RFC2: variants seen among roughly 807,000 people sequenced by gnomAD.
RFC2 encodes replication factor C subunit 2, also known as A1 40 kDa subunit.
A neutral mutation model predicts 44.8 loss-of-function variants in RFC2; 34 were observed. That is an observed-to-expected ratio of 0.76 (90% CI 0.58 to 1.01). The LOEUF (loss-of-function observed/expected upper bound fraction) is 1.01, where lower values mean the gene tolerates loss of function less well. Among genes scored for constraint, RFC2 ranks in the 50% least tolerant of loss-of-function variants. The pLI, the probability that RFC2 is intolerant of heterozygous loss-of-function variation, is 0.00. For missense variants in RFC2, 400 were observed against 453.6 expected, an observed-to-expected ratio of 0.88 and a Z score of 1.07; for synonymous variants, 177 against 168.9, an observed-to-expected ratio of 1.05 and a Z score of -0.37.
At chr7:74,252,727 G>C (rs1030578468) in intron 1 of RFC2, among the ~76,000 whole-genome samples, 18 of 152,088 alleles carry the variant, frequency 1.2e-4, no homozygotes, top group Non-Finnish European at 4.4e-5. Context: ...TTGAGGTCAG[G>C]AGTTTGAGCC....
rs369462723 is a variant in RFC2 at position 74,252,444 on chromosome 7, G to A, written c.168C>T (p.Thr56=). Residue 56 remains threonine (T), a synonymous_variant, in exon 2 of 11, where the codon ACC becomes ACT. Transcript: ENST00000055077. ...AGCCACTCACCTCTAGCCTGCTCAC[G>A]GTGTCTTCATTCCCGACAATTTCAT... ...KLNEIVGNED[T]VSRLEVFARE... is the part of the protein sequence containing the mutation. 81 of 1,599,420 alleles carry A rather than the reference G, an allele frequency of 5.1e-5. No individual in the cohort carries two copies. Among genetic ancestry groups the A allele is most frequent in the East Asian group, 6.7e-5 (3 of 44,730 alleles).
intron 5 of RFC2, among the ~76,000 whole-genome samples, chr7:74,244,224 T>C (rs2116311284): frequency 1.3e-5 from 2 of 151,100 alleles, no homozygotes; most frequent in African/African-American, 4.9e-5. Flanking sequence ...GCCAAGATCA[T>C]GCCACTGCAC....
chr7:74,236,283 T>C (rs1803009365), intron 9 of RFC2, among the ~76,000 whole-genome samples: 1 of 152,004 alleles, frequency 6.6e-6, no homozygotes. Context: ...AGAAGCTCTG[T>C]GCCCACAAAT....
chr7:74,241,083 A>T (rs1315290431), intron 6 of RFC2, among the ~76,000 whole-genome samples: 2 of 152,034 alleles, frequency 1.3e-5, no homozygotes, highest in Non-Finnish European at 2.9e-5. Context: ...GGCGCACGCT[A>T]TCACACCCGG....
intron 9 of RFC2, 44 bp from the exon 10 acceptor site, chr7:74,235,689 TAAG>T: frequency 7.6e-7 from 1 of 1,314,888 alleles, no homozygotes. Context: ...CTTTAAACTG[TAAG>T]AAGACATGTG....
intron 2 of RFC2, among the ~76,000 whole-genome samples, chr7:74,251,896 G>A (rs1314417821): frequency 1.4e-4 from 20 of 145,998 alleles, no homozygotes; most frequent in African/African-American, 4.9e-4. Context: ...AGGAGATCGA[G>A]ACCATCCTGG....
chr7:74,241,039 T>G (rs1447817346), intron 6 of RFC2, among the ~76,000 whole-genome samples: 1 of 152,142 alleles, frequency 6.6e-6, no homozygotes, highest in Non-Finnish European at 1.5e-5. Context: ...CAAGTGATTC[T>G]CCTGTCTCAG....
rs1221199718 is a variant in RFC2, at chr7:74,238,532, G to GAACAGC, written c.759+385_759+390dup. Among the ~76,000 whole-genome samples, 2 of 151,970 alleles carry GAACAGC rather than the reference G, an allele frequency of 1.3e-5. No individual in the cohort carries two copies. The highest frequency in any genetic ancestry group is 2.9e-5 in the Non-Finnish European group (2 of 67,968). On this transcript the variant is annotated intron_variant, in intron 8 of 10. Transcript: ENST00000055077. This position sits in a 1 kb window ranked among gnomAD's most constrained non-coding sequence, Gnocchi z 4.0. Reference sequence around the variant, plus strand: ...GGTGTGGGGTCTGAAGGCTACTGGGGAACAGCACAGTGCTCCTGCCTGCCC... The same window carrying GAACAGC: ...GGTGTGGGGTCTGAAGGCTACTGGGGAACAGCAACAGCACAGTGCTCCTGCCTGCCC...
intron 6 of RFC2, among the ~76,000 whole-genome samples, chr7:74,242,913 A>T (rs1430244577): frequency 3.3e-5 from 5 of 150,018 alleles, no homozygotes; most frequent in Non-Finnish European, 7.4e-5. Context: ...ACAGAGTGAG[A>T]CTTTGTCTCA....
At chr7:74,244,446 G>T (rs907986792) in intron 5 of RFC2, among the ~76,000 whole-genome samples, 1 of 151,096 alleles carries the variant, frequency 6.6e-6, no homozygotes, top group Non-Finnish European at 1.5e-5. Context: ...TCTGTCTCCC[G>T]GGTACAAGCG....
chr7:74,252,211 T>C (rs561260953), intron 2 of RFC2, among the ~76,000 whole-genome samples: 1 of 144,460 alleles, frequency 6.9e-6, no homozygotes, highest in African/African-American at 2.6e-5. Context: ...ATTGAGACCA[T>C]CCTGGCTAAC....
Position 74,240,112 on chromosome 7 carries a change from C to G in RFC2, c.536-17G>C, listed in dbSNP as rs782019370. 12 of 1,610,432 alleles carry G rather than the reference C, an allele frequency of 7.5e-6. No individual in the cohort carries two copies. The South Asian group carries it at 1.3e-4, about 18-fold the overall frequency. On this transcript the variant is annotated splice_polypyrimidine_tract_variant and intron_variant, in intron 6 of 10. Transcript: ENST00000055077. ...GAATGGGCTCTGAACAGAGACGGGA[C>G]AGTAGTGAGGCTTCCCTGCAGAGGC...
intron 10 of RFC2, among the ~76,000 whole-genome samples, 178 bp downstream of exon 10, chr7:74,235,354 G>C (rs1221201979): frequency 6.6e-6 from 1 of 151,902 alleles, no homozygotes; most frequent in South Asian, 2.1e-4. Flanking sequence ...GCTAATTTTT[G>C]TATTTTTAGT....
intron 1 of RFC2, 80 bp downstream of exon 1, chr7:74,254,191 C>A: frequency 9.3e-7 from 1 of 1,080,250 alleles, no homozygotes; most frequent in Non-Finnish European, 1.4e-6. Flanking sequence ...CCCTGACCCC[C>A]GAGTTTCTCC....
intron 6 of RFC2, 70 bp downstream of exon 6, chr7:74,243,076 A>C: frequency 1.0e-6 from 1 of 981,734 alleles, no homozygotes; most frequent in East Asian, 2.4e-5. Context: ...GAGGGAGACC[A>C]CATCTATAAA....
At chr7:74,240,188 A>G (rs1803250345) in intron 6 of RFC2, 93 bp from the exon 7 acceptor site, 1 of 1,183,510 alleles carries the variant, frequency 8.4e-7, no homozygotes, top group East Asian at 2.4e-5. Flanking sequence ...TGCACAATCC[A>G]CACAGCCCCA....
chr7:74,235,621 C>T lies in RFC2; in HGVS notation c.865G>A (p.Gly289Ser), dbSNP rs1802974018. Residue 289 changes from glycine (G) to serine (S), a missense_variant, in exon 10 of 11, where the codon GGC (glycine) becomes AGC (serine). Physicochemically the swap from Gly to Ser is moderately conservative, Grantham distance 56. Transcript: ENST00000055077. ...YKILAHLWHL[G>S]YSPEDIIGNI... ...CCAATGATATCTTCTGGTGAGTAGC[C>T]CAGATGCCACAAGTGAGCAAGAATC... is the stretch of plus-strand genomic sequence containing the variant. 6.2e-7 allele frequency: 1 copy of T among 1,612,912 alleles called. No individual in the cohort carries two copies.
intron 5 of RFC2, among the ~76,000 whole-genome samples, chr7:74,244,659 G>C (rs553623915): frequency 1.3e-5 from 2 of 149,566 alleles, no homozygotes; most frequent in East Asian, 4.3e-4. Context: ...GTGAGCCACC[G>C]CACCTGGCCC....
At position 74,237,297 on chromosome 7, in the gene RFC2, C is replaced by T. The variant is rs542561462; in HGVS notation, c.840+65G>A. 1.0e-5 allele frequency: 11 copies of T among 1,096,836 alleles called. No homozygotes were observed. In the African/African-American group the frequency reaches 1.1e-4, roughly 11 times the overall value. The allele number at this position is 1,096,836 out of a possible 1,614,324, so 67.9% of individuals were successfully genotyped here. A position where few individuals can be genotyped will look rare whatever the true frequency, so the allele number is the denominator to read the frequency against. On this transcript the variant is annotated intron_variant, in intron 9 of 10. Transcript: ENST00000055077. ...TATAATGTCCCTGGTACCAGAAGGG[C>T]TCCCGCTCTCCTCTGCCCAAGAAGT...
Sources: allele counts gnomAD v4.1 joint callset (sites outside exome capture counted in the v4.1 genomes callset), GRCh38; gene constraint gnomAD v4.1.1; non-coding constraint Gnocchi (gnomAD v3.1); transcripts MANE v1.5; gene names NCBI Gene and HGNC (gene_info 2026-07-23, HGNC 2026-07-21).